UXS1: variants seen among roughly 807,000 people sequenced by gnomAD.
UXS1 encodes the protein UDP-glucuronate decarboxylase 1, also known as UDP-glucuronic acid decarboxylase 1.
UXS1 carries 33 observed loss-of-function variants against 62.6 expected under a neutral mutation model. The observed-to-expected ratio is 0.53, with a 90% CI of 0.40 to 0.70. UXS1 has a LOEUF of 0.70. Among genes scored for constraint, UXS1 ranks in the 30% least tolerant of loss-of-function variants. UXS1 has a pLI of 0.00. For missense variants in UXS1, 434 were observed against 556.3 expected (o/e 0.78, Z 2.21); for synonymous variants, 213 against 206.8 (o/e 1.03, Z -0.26).
At chr2:106,174,698 T>A (rs1558751349) in intron 1 of UXS1, among the ~76,000 whole-genome samples, 1 of 152,056 alleles carries the variant, frequency 6.6e-6, no homozygotes, top group Non-Finnish European at 1.5e-5. Context: ...CCAGTAAGAG[T>A]GGCAATGCCA....
At chr2:106,184,367 T>C (rs1684431076) in intron 1 of UXS1, among the ~76,000 whole-genome samples, 7 of 152,224 alleles carry the variant, frequency 4.6e-5, no homozygotes. Context: ...ATCTGGTAAC[T>C]GGCCTCACCT....
chr2:106,126,863 T>C (rs1680001497), intron 7 of UXS1, among the ~76,000 whole-genome samples: 1 of 152,136 alleles, frequency 6.6e-6, no homozygotes, highest in Non-Finnish European at 1.5e-5. Flanking sequence ...AGCATTTCCA[T>C]CTCCACCAGG....
chr2:106,186,278 G>A (rs1684543224), intron 1 of UXS1, among the ~76,000 whole-genome samples: 1 of 152,110 alleles, frequency 6.6e-6, no homozygotes, highest in Non-Finnish European at 1.5e-5. Flanking sequence ...CCTTCCAGGG[G>A]TCACACTGAA....
At chr2:106,154,751 T>C (rs367796935) in intron 5 of UXS1, among the ~76,000 whole-genome samples, 4 of 152,324 alleles carry the variant, frequency 2.6e-5, no homozygotes, top group African/African-American at 9.6e-5. Flanking sequence ...AAATGACTTG[T>C]CACATGTAAG....
intron 1 of UXS1, among the ~76,000 whole-genome samples, chr2:106,174,089 T>TG (rs1236407966): frequency 0.043 from 177 of 4,140 alleles, 1 homozygote; most frequent in Admixed American, 0.065. Flanking sequence ...GGAAGAGGAT[T>TG]GGGGGGGGCG....
chr2:106,169,776 CCAGA>C (rs1683429091), intron 1 of UXS1, among the ~76,000 whole-genome samples: 1 of 152,170 alleles, frequency 6.6e-6, no homozygotes, highest in Non-Finnish European at 1.5e-5. Context: ...GCCACCCATC[CCAGA>C]CACCTTCTGT....
At chr2:106,186,349 T>G (rs13014335) in intron 1 of UXS1, among the ~76,000 whole-genome samples, 1 of 151,866 alleles carries the variant, frequency 6.6e-6, no homozygotes, top group Non-Finnish European at 1.5e-5. Context: ...TTAGCAAGCA[T>G]TGTTATAAAA....
At chr2:106,101,226 C>A (rs1432778099) in intron 11 of UXS1, 108 bp from the exon 12 acceptor site, 2 of 1,136,132 alleles carry the variant, frequency 1.8e-6, no homozygotes, top group South Asian at 1.6e-5. Context: ...CAGGAGAAAA[C>A]AAAAACCCAA....
At chr2:106,125,879 A>C (rs1046404986) in intron 7 of UXS1, among the ~76,000 whole-genome samples, 200 bp from the exon 8 acceptor site, 2 of 152,270 alleles carry the variant, frequency 1.3e-5, no homozygotes, top group African/African-American at 4.8e-5. Context: ...TCAGAAGGCC[A>C]GTATTTTGTT....
At chr2:106,194,064 G>T (rs1304200026) in intron 1 of UXS1, 84 bp downstream of exon 1, 12 of 1,163,640 alleles carry the variant, frequency 1.0e-5, no homozygotes, top group Non-Finnish European at 1.3e-5. Flanking sequence ...GGGCCGCCTC[G>T]GGGCCCCGAA....
At chr2:106,101,864 C>T (rs995133248) in intron 11 of UXS1, 7 of 152,174 alleles carry the variant, frequency 4.6e-5, no homozygotes, top group Non-Finnish European at 7.3e-5. Flanking sequence ...AAAGTTACTT[C>T]GTAAAAATGA....
intron 6 of UXS1, among the ~76,000 whole-genome samples, chr2:106,141,724 C>T (rs541246417): frequency 6.6e-6 from 1 of 152,066 alleles, no homozygotes; most frequent in East Asian, 1.9e-4. Flanking sequence ...ACTGGGATTA[C>T]AGACATGATC....
At chr2:106,123,754 A>G (rs750801657) in intron 8 of UXS1, among the ~76,000 whole-genome samples, 1 of 152,260 alleles carries the variant, frequency 6.6e-6, no homozygotes, top group African/African-American at 2.4e-5. Flanking sequence ...TATTCACACA[A>G]GTATATTTCT....
At chr2:106,151,269 A>T (rs1681993041) in intron 5 of UXS1, among the ~76,000 whole-genome samples, 1 of 152,156 alleles carries the variant, frequency 6.6e-6, no homozygotes, top group Non-Finnish European at 1.5e-5. Flanking sequence ...TGTAAGAAGG[A>T]CATAAATTCT....
Position 106,125,655 on chromosome 2 carries a change from C to A in UXS1, c.602G>T (p.Arg201Leu). 6 of 1,579,544 alleles carry A rather than the reference C, an allele frequency of 3.8e-6. No homozygotes were observed. Among genetic ancestry groups the A allele is most frequent in the South Asian group, 1.2e-5 (1 of 85,576 alleles). The change falls in exon 8 of 15, where the codon CGT (arginine) becomes CTT (leucine). Residue 201 changes from arginine to leucine, a missense_variant. By Grantham distance (102) the Arg-to-Leu change is moderately radical. Coordinates refer to ENST00000283148, the MANE Select transcript of UXS1 (RefSeq NM_001253875.2). ...MLGLAKRVGA[R>L]LLLASTSEVY... ...CTCCGATGTGGAGGCCAGGAGCAGA[C>A]GGGCACCGACTCGTTTTGCCAGCCC...
At chr2:106,146,612 C>G (rs1225944394) in intron 5 of UXS1, among the ~76,000 whole-genome samples, 1 of 151,560 alleles carries the variant, frequency 6.6e-6, no homozygotes, top group Admixed American at 6.6e-5. Flanking sequence ...AACCCTGTCT[C>G]TACTAAAAAT....
At chr2:106,155,659 G>A (rs547832253) in intron 5 of UXS1, among the ~76,000 whole-genome samples, 1 of 152,306 alleles carries the variant, frequency 6.6e-6, no homozygotes, top group African/African-American at 2.4e-5. Flanking sequence ...TACCATCGAG[G>A]TTTGTGTAAG....
intron 5 of UXS1, among the ~76,000 whole-genome samples, chr2:106,156,491 A>G (rs1682433936): frequency 6.6e-6 from 1 of 152,204 alleles, no homozygotes; most frequent in Non-Finnish European, 1.5e-5. Flanking sequence ...CAAAAGGTTA[A>G]AGAGAGTCAC....
chr2:106,154,252 T>C (rs1015317616), intron 5 of UXS1, among the ~76,000 whole-genome samples: 1 of 152,152 alleles, frequency 6.6e-6, no homozygotes, highest in African/African-American at 2.4e-5. Flanking sequence ...CAAAAATAGA[T>C]GCACACAGAC....
Sources: gnomAD v4.1 joint callset for allele counts (sites outside exome capture counted in the v4.1 genomes callset) on GRCh38, gnomAD v4.1.1 for gene constraint, MANE v1.5 for transcripts, NCBI Gene and HGNC (gene_info 2026-07-23, HGNC 2026-07-21) for gene names.